Variants in RASAL2 observed in about 807,000 individuals in gnomAD.
RASAL2 encodes the protein ras GTPase-activating protein nGAP.
Under a neutral mutation model 128.9 loss-of-function variants are expected in RASAL2, and 58 were observed. The ratio of observed to expected loss-of-function variants is 0.45; its 90% confidence interval spans 0.36 to 0.56. The LOEUF is 0.56. Among genes scored for constraint, RASAL2 ranks in the 20% least tolerant of loss-of-function variants. The probability of loss-of-function intolerance (pLI) is 0.00; values close to 1 mark genes in which losing one functional copy is unlikely to be tolerated. For missense variants in RASAL2, 1,360 were observed against 1,601.6 expected (o/e 0.85, Z 2.57); for synonymous variants, 561 against 580.8 (o/e 0.97, Z 0.49).
intron 3 of RASAL2, among the ~76,000 whole-genome samples, chr1:178,314,934 C>G (rs1241386071): frequency 1.8e-5 from 2 of 113,670 alleles, no homozygotes; most frequent in Admixed American, 2.0e-4. Context: ...TGCTATCCCT[C>G]CCCCCTCCCC....
Position 178,458,402 on chromosome 1 carries a change from G to C in RASAL2, c.3110G>C (p.Ser1037Thr). 1 of 1,614,228 alleles carries C rather than the reference G, an allele frequency of 6.2e-7. No individual in the cohort carries two copies. The highest frequency in any genetic ancestry group is 8.5e-7 in the Non-Finnish European group (1 of 1,180,046). Residue 1037 changes from serine (S) to threonine (T), a missense_variant, in exon 14 of 18, where the codon AGC becomes ACC. Physicochemically the swap from Ser to Thr is moderately conservative, Grantham distance 58. Around this residue, in one of 3 missense-constraint regions of RASAL2, gnomAD observed 741 missense variants for 868.6 expected, o/e 0.85. Transcript: ENST00000367649. ...PSLPHSASLR[S>T]TGSMSVVSAA... is the part of the protein sequence containing the mutation. ...CTGCCACACAGTGCTTCTTTACGTA[G>C]CACCGGGAGCATGTCAGTGGTGTCC... is the stretch of plus-strand genomic sequence containing the variant.
In RASAL2 at chr1:178,442,799, G is replaced by T. The variant is rs1676754126; in HGVS notation, c.1052G>T (p.Ser351Ile). 6.2e-7 allele frequency: 1 copy of T among 1,613,772 alleles called. No individual in the cohort carries two copies. Among genetic ancestry groups the T allele is most frequent in the Non-Finnish European group, 8.5e-7 (1 of 1,179,930 alleles). The change falls in exon 8 of 18, where the codon AGC becomes ATC. Residue 351 changes from serine (S) to isoleucine (I), a missense_variant. Ser to Ile is a moderately radical substitution (Grantham distance 142). Coordinates refer to ENST00000367649, the MANE Select transcript of RASAL2 (RefSeq NM_170692.4). ...LDDTLFARTT[S>I]KTKADNIFWG... ...GATACCCTCTTTGCTCGTACAACCA[G>T]CAAGACCAAAGCAGACAATATTTTC...
intron 1 of RASAL2, among the ~76,000 whole-genome samples, chr1:178,206,863 T>C (rs1359450133): frequency 6.6e-6 from 1 of 152,096 alleles, no homozygotes; most frequent in Non-Finnish European, 1.5e-5. Flanking sequence ...CTCAATGTAA[T>C]GTAATTCAGA....
intron 4 of RASAL2, among the ~76,000 whole-genome samples, chr1:178,398,111 AT>A (rs1284477964): frequency 2.0e-5 from 3 of 151,946 alleles, no homozygotes; most frequent in African/African-American, 4.8e-5. Flanking sequence ...TTGGCTGCTT[AT>A]TTTCTACAGT....
intron 1 of RASAL2, among the ~76,000 whole-genome samples, chr1:178,182,956 A>G (rs1013632278): frequency 6.6e-6 from 1 of 152,112 alleles, no homozygotes; most frequent in African/African-American, 2.4e-5. Context: ...GAACCTTCGC[A>G]TGAGCAGTTC....
intron 4 of RASAL2, among the ~76,000 whole-genome samples, chr1:178,391,231 A>G (rs561552334): frequency 1.7e-4 from 26 of 152,328 alleles, no homozygotes; most frequent in African/African-American, 5.8e-4. Flanking sequence ...AGGATGGTCT[A>G]TAGTGCAGAA....
At chr1:178,234,771 A>G (rs1342900967) in intron 1 of RASAL2, among the ~76,000 whole-genome samples, 1 of 152,112 alleles carries the variant, frequency 6.6e-6, no homozygotes, top group East Asian at 1.9e-4. Context: ...TTATTAGGAG[A>G]TTGAACGTAT....
chr1:178,454,034 TC>T (rs1446496842), intron 11 of RASAL2, among the ~76,000 whole-genome samples: 1 of 152,020 alleles, frequency 6.6e-6, no homozygotes, highest in Non-Finnish European at 1.5e-5. Flanking sequence ...GAGAAGTTTT[TC>T]TCTAGTGCAA....
chr1:178,231,604 C>T (rs1038893402), intron 1 of RASAL2, among the ~76,000 whole-genome samples: 1 of 152,012 alleles, frequency 6.6e-6, no homozygotes, highest in Non-Finnish European at 1.5e-5. Context: ...AAATCTTTGC[C>T]TACCCTCAGG....
chr1:178,340,717 C>G (rs1161662162), intron 3 of RASAL2, among the ~76,000 whole-genome samples: 1 of 152,114 alleles, frequency 6.6e-6, no homozygotes, highest in Non-Finnish European at 1.5e-5. Context: ...CAGGCATCAG[C>G]TTCCAGGGGT....
intron 4 of RASAL2, among the ~76,000 whole-genome samples, 163 bp from the exon 5 acceptor site, chr1:178,420,348 G>A (rs1675063188): frequency 6.6e-6 from 1 of 152,170 alleles, no homozygotes; most frequent in African/African-American, 2.4e-5. Context: ...CACATTGCCA[G>A]GTGGTTTCAA....
chr1:178,122,337 G>A (rs1297357712), intron 1 of RASAL2, among the ~76,000 whole-genome samples: 1 of 152,204 alleles, frequency 6.6e-6, no homozygotes, highest in African/African-American at 2.4e-5. Flanking sequence ...ACACTGGAGT[G>A]TAAAAAATTG....
chr1:178,411,067 C>T (rs889882856), intron 4 of RASAL2, among the ~76,000 whole-genome samples: 1 of 152,018 alleles, frequency 6.6e-6, no homozygotes, highest in Admixed American at 6.5e-5. Context: ...CACTTGCACA[C>T]GTATATAGTA....
rs1662017429 is a variant in RASAL2, at chr1:178,179,615, C to G, written c.202+84921C>G. Among the ~76,000 whole-genome samples the G allele has an allele frequency of 8.5e-5, 13 of 152,186 alleles. No individual in the cohort carries two copies. In the South Asian group the frequency reaches 2.7e-3, roughly 32 times the overall value. ...TCGTTTGGAGGTGGAAGAAGAAAAACAAGTCTTATAAAGTGATAACACAAG... is the reference window on the plus strand; with the variant it reads ...TCGTTTGGAGGTGGAAGAAGAAAAAGAAGTCTTATAAAGTGATAACACAAG... On this transcript the variant is annotated intron_variant, in intron 1 of 17. Coordinates refer to ENST00000367649, the MANE Select transcript of RASAL2 (RefSeq NM_170692.4).
At chr1:178,373,268 TC>T (rs1671812108) in intron 3 of RASAL2, among the ~76,000 whole-genome samples, 1 of 141,378 alleles carries the variant, frequency 7.1e-6, no homozygotes, top group Non-Finnish European at 1.5e-5. Flanking sequence ...GCATTCTGTT[TC>T]TTTCCTTTTT....
rs964221411 is a variant in RASAL2 at position 178,300,006 on chromosome 1, G to A, written c.345G>A (p.Gly115=). Residue 115 remains glycine, a synonymous_variant, in exon 3 of 18, where the codon GGG becomes GGA. Coordinates refer to ENST00000367649, the MANE Select transcript of RASAL2 (RefSeq NM_170692.4). The stretch of plus-strand genomic sequence containing the variant: ...TGATTAACTAGATACCTGTGGAAGG[G>A]GGACAGGAGCAGCAGACAGATTCCA... The part of the protein sequence containing the change: ...LNKEKEIPVE[G]GQEQQTDSTK... The A allele has an allele frequency of 6.2e-7, 1 of 1,613,774 alleles. No individual in the cohort carries two copies. Among genetic ancestry groups the A allele is most frequent in the East Asian group, 2.2e-5 (1 of 44,874 alleles).
intron 3 of RASAL2, among the ~76,000 whole-genome samples, chr1:178,320,049 T>G (rs1267369088): frequency 6.6e-6 from 1 of 151,866 alleles, no homozygotes; most frequent in Non-Finnish European, 1.5e-5. Flanking sequence ...TGGAATACCC[T>G]GCCATGTGAG....
intron 1 of RASAL2, among the ~76,000 whole-genome samples, chr1:178,208,361 T>C (rs1014346444): frequency 6.6e-6 from 1 of 152,130 alleles, no homozygotes; most frequent in South Asian, 2.1e-4. Context: ...AGGAATGCAT[T>C]CCTTGGGGGA....
rs140126638 is a variant in RASAL2, at chr1:178,236,362, A to G, written c.203-47202A>G. On this transcript the variant is annotated intron_variant, in intron 1 of 17. Coordinates refer to ENST00000367649, the MANE Select transcript of RASAL2 (RefSeq NM_170692.4). ...CATGTACCTGTCTCTCAGCTTTAGAATTTGCAGTTACACTTGGTTTCCAAA... is the reference window on the plus strand; with the variant it reads ...CATGTACCTGTCTCTCAGCTTTAGAGTTTGCAGTTACACTTGGTTTCCAAA... Among the ~76,000 whole-genome samples the G allele has an allele frequency of 6.8e-3, 1,018 of 149,962 alleles. 10 individuals are homozygous for G. The highest frequency in any genetic ancestry group is 0.022 in the African/African-American group (895 of 41,480).
Sources: allele counts gnomAD v4.1 joint callset (sites outside exome capture counted in the v4.1 genomes callset), GRCh38; gene constraint gnomAD v4.1.1; regional missense constraint gnomAD v4.1.1; transcripts MANE v1.5; gene names NCBI Gene and HGNC (gene_info 2026-07-23, HGNC 2026-07-21).